ST6GALNAC5: variants seen among roughly 807,000 people sequenced by gnomAD.
The protein encoded by ST6GALNAC5 is ST6 N-acetylgalactosaminide alpha-2,6-sialyltransferase 5, also known as alpha-N-acetylgalactosaminide alpha-2,6-sialyltransferase 5.
In ST6GALNAC5, 27 loss-of-function variants were observed where a neutral mutation model predicts 33.6. The ratio of observed to expected loss-of-function variants is 0.80; its 90% CI spans 0.59 to 1.11. The LOEUF (loss-of-function observed/expected upper bound fraction) is 1.11, where lower values mean the gene tolerates loss of function less well. Ranked by LOEUF, ST6GALNAC5 falls within the 50% of genes least tolerant of loss-of-function variation. The pLI is 0.00. For missense variants in ST6GALNAC5, 428 were observed against 454.0 expected (o/e 0.94, Z 0.52); for synonymous variants, 194 against 171.2 (o/e 1.13, Z -1.04).
At chr1:76,899,436 T>G (rs1248017524) in intron 2 of ST6GALNAC5, among the ~76,000 whole-genome samples, 4 of 151,386 alleles carry the variant, frequency 2.6e-5, no homozygotes, top group African/African-American at 9.7e-5. Context: ...GGCACAGAGA[T>G]AAGAGGTCGG....
At chr1:77,055,809 A>C (rs1412164813) in intron 4 of ST6GALNAC5, among the ~76,000 whole-genome samples, 1 of 152,218 alleles carries the variant, frequency 6.6e-6, no homozygotes, top group African/African-American at 2.4e-5. Context: ...GCCCTGTCTC[A>C]ATCCACATTT....
chr1:77,064,691 A>G lies in ST6GALNAC5; in HGVS notation c.*1485A>G, dbSNP rs1246310506. 1 of 152,206 alleles carries G rather than the reference A, an allele frequency of 6.6e-6. No individual in the cohort carries two copies. The allele number at this position is 152,206 out of a possible 1,614,324, so 9.4% of individuals were successfully genotyped here. On this transcript the variant is annotated 3_prime_UTR_variant, in exon 5 of 5. Transcript: ENST00000477717. ...TTTAAACAAGTAATATTGTTCAAAA[A>G]TAGTCTCTTATAAATATACTAGTGT...
intron 2 of ST6GALNAC5, among the ~76,000 whole-genome samples, chr1:76,922,373 G>T (rs1258520121): frequency 6.6e-6 from 1 of 152,130 alleles, no homozygotes; most frequent in Admixed American, 6.5e-5. Flanking sequence ...CTGAATAAAT[G>T]GGGAGACATA....
At chr1:76,948,483 T>TA (rs1472392280) in intron 2 of ST6GALNAC5, among the ~76,000 whole-genome samples, 1 of 151,714 alleles carries the variant, frequency 6.6e-6, no homozygotes. Context: ...ATGACAGCAC[T>TA]AGCTCTCATA....
chr1:76,985,052 A>G lies in ST6GALNAC5; in HGVS notation c.262-59152A>G, dbSNP rs148368392. Among the ~76,000 whole-genome samples the G allele has an allele frequency of 3.9e-4, 60 of 152,328 alleles. No individual in the cohort carries two copies. In the East Asian group the frequency reaches 0.01, roughly 26 times the overall value. On this transcript the variant is annotated intron_variant, in intron 2 of 4. Transcript: ENST00000477717. Reference sequence around the variant, plus strand: ...AACTATTTATGACAAACCCACACCCAATATCATAGTGAATGAGCAAAAACT... The same window carrying G: ...AACTATTTATGACAAACCCACACCCGATATCATAGTGAATGAGCAAAAACT...
In ST6GALNAC5 at chr1:77,064,209, G is replaced by A. The variant is rs1321201404; in HGVS notation, c.*1003G>A. 6.6e-6 allele frequency: 1 copy of A among 152,072 alleles called. No individual in the cohort carries two copies. The highest frequency in any genetic ancestry group is 1.5e-5 in the Non-Finnish European group (1 of 68,026). 9.4% of individuals were successfully genotyped at this position (152,072 alleles called of 1,614,324 possible). On this transcript the variant is annotated 3_prime_UTR_variant, in exon 5 of 5. Coordinates refer to ENST00000477717, the MANE Select transcript of ST6GALNAC5 (RefSeq NM_030965.3). ...CTTGTGGCCTCTTCTTGACCCATTTGAAGACTCTGCACTTGGAGTGATGGG... is the reference window on the plus strand; with the variant it reads ...CTTGTGGCCTCTTCTTGACCCATTTAAAGACTCTGCACTTGGAGTGATGGG...
chr1:76,893,516 C>CT (rs1654056501), intron 2 of ST6GALNAC5, among the ~76,000 whole-genome samples: 1 of 152,106 alleles, frequency 6.6e-6, no homozygotes, highest in African/African-American at 2.4e-5. Context: ...TAAGGAGTAA[C>CT]TATCCACGTC....
chr1:77,033,003 T>C (rs533829925), intron 2 of ST6GALNAC5, among the ~76,000 whole-genome samples: 17 of 152,240 alleles, frequency 1.1e-4, no homozygotes, highest in East Asian at 5.8e-4. Flanking sequence ...AAAATGCAGG[T>C]TTTTGTTTGT....
chr1:76,916,315 T>G (rs919426616), intron 2 of ST6GALNAC5, among the ~76,000 whole-genome samples: 9 of 152,204 alleles, frequency 5.9e-5, no homozygotes, highest in African/African-American at 2.2e-4. Context: ...TTCCACATTT[T>G]GAAAACAACC....
chr1:76,911,221 T>C (rs1252587), intron 2 of ST6GALNAC5, among the ~76,000 whole-genome samples: 11,393 of 152,208 alleles, frequency 0.075, 979 homozygotes, highest in African/African-American at 0.21. Context: ...TTGTCTTTGG[T>C]TCTGTTTATA....
At chr1:76,923,910 G>A (rs540003634) in intron 2 of ST6GALNAC5, among the ~76,000 whole-genome samples, 1 of 152,042 alleles carries the variant, frequency 6.6e-6, no homozygotes, top group East Asian at 1.9e-4. Context: ...AAAAATTAAT[G>A]GACATTCCAA....
At chr1:77,015,498 C>T (rs748144664) in intron 2 of ST6GALNAC5, among the ~76,000 whole-genome samples, 1 of 152,100 alleles carries the variant, frequency 6.6e-6, no homozygotes, top group African/African-American at 2.4e-5. Context: ...GCTCACAGTC[C>T]ACCCATAAAT....
intron 3 of ST6GALNAC5, among the ~76,000 whole-genome samples, chr1:77,048,205 TAAA>T (rs1349351872): frequency 1.3e-5 from 2 of 152,212 alleles, no homozygotes; most frequent in Non-Finnish European, 2.9e-5. Flanking sequence ...CTACATCACA[TAAA>T]ACAGAACCAG....
At chr1:76,911,106 T>TA (rs1646906984) in intron 2 of ST6GALNAC5, among the ~76,000 whole-genome samples, 1 of 152,108 alleles carries the variant, frequency 6.6e-6, no homozygotes, top group South Asian at 2.1e-4. Flanking sequence ...AACACATTTA[T>TA]AAAACTTCCC....
intron 2 of ST6GALNAC5, among the ~76,000 whole-genome samples, chr1:76,934,276 G>A (rs1028937019): frequency 1.3e-5 from 2 of 151,878 alleles, no homozygotes; most frequent in Non-Finnish European, 2.9e-5. Context: ...ATTAACCTAG[G>A]GCTTCTCTTG....
chr1:76,919,686 T>G (rs2100294955), intron 2 of ST6GALNAC5, among the ~76,000 whole-genome samples: 1 of 152,320 alleles, frequency 6.6e-6, no homozygotes, highest in South Asian at 2.1e-4. Flanking sequence ...AAATGGGGGC[T>G]GAACTAAGCT....
chr1:77,001,930 A>G (rs1650184558), intron 2 of ST6GALNAC5, among the ~76,000 whole-genome samples: 1 of 152,064 alleles, frequency 6.6e-6, no homozygotes, highest in African/African-American at 2.4e-5. Flanking sequence ...ATGTTCATCA[A>G]GGATATTGGT....
chr1:76,925,722 G>A (rs2100302685), intron 2 of ST6GALNAC5, among the ~76,000 whole-genome samples: 2 of 152,112 alleles, frequency 1.3e-5, no homozygotes, highest in South Asian at 4.2e-4. Context: ...TTTTTCAGGT[G>A]TTTCATTAGT....
At chr1:77,043,494 T>G (rs1485802697) in intron 2 of ST6GALNAC5, among the ~76,000 whole-genome samples, 1 of 152,216 alleles carries the variant, frequency 6.6e-6, no homozygotes, top group East Asian at 1.9e-4. Context: ...CTTGACGCTT[T>G]CTTTATGTTT....
Sources: allele counts gnomAD v4.1 joint callset (sites outside exome capture counted in the v4.1 genomes callset), GRCh38; gene constraint gnomAD v4.1.1; transcripts MANE v1.5; gene names NCBI Gene and HGNC (gene_info 2026-07-23, HGNC 2026-07-21).